Variants in ACOT11 observed in about 807,000 individuals in gnomAD.
ACOT11 encodes acyl-coenzyme A thioesterase 11.
ACOT11 carries 69 observed loss-of-function variants against 77.5 expected under a neutral mutation model. The ratio of observed to expected loss-of-function variants is 0.89; its 90% CI spans 0.73 to 1.09. ACOT11 has a LOEUF of 1.09. Among genes scored for constraint, ACOT11 ranks in the 50% least tolerant of loss-of-function variants. ACOT11 has a pLI of 0.00. For synonymous variants in ACOT11, 279 were observed against 313.0 expected, an observed-to-expected ratio of 0.89 and a Z score of 1.15; for missense variants, 766 against 813.7, an observed-to-expected ratio of 0.94 and a Z score of 0.71.
chr1:54,616,920 G>C (rs925222999), intron 15 of ACOT11, among the ~76,000 whole-genome samples: 4 of 152,074 alleles, frequency 2.6e-5, no homozygotes, highest in African/African-American at 7.2e-5. Context: ...TGCCCTGTCT[G>C]GTCTTGAACT....
rs1243565509 is a variant in ACOT11, at chr1:54,589,359, CACA to C, written c.312-3183_312-3181del. ...TTTTTAGAGAAGGATTCTTTTTAAA[CACA>C]ACATCATTACCACATCTAAAAAATT... On this transcript the variant is annotated intron_variant, in intron 3 of 15. Coordinates refer to ENST00000343744, the MANE Select transcript of ACOT11 (RefSeq NM_147161.4). 1.1e-3 allele frequency among the ~76,000 whole-genome samples: 152 copies of C among 134,848 alleles called. 2 individuals are homozygous for C. Among genetic ancestry groups the C allele is most frequent in the Non-Finnish European group, 6.2e-5 (4 of 64,220 alleles). The allele number at this position is 134,848 out of a possible 152,430, so 88.5% of individuals were successfully genotyped here. A position where few individuals can be genotyped will look rare whatever the true frequency, so the allele number is the denominator to read the frequency against.
intron 4 of ACOT11, among the ~76,000 whole-genome samples, 185 bp from the exon 5 acceptor site, chr1:54,593,756 C>T (rs1654795022): frequency 6.6e-6 from 1 of 152,096 alleles, no homozygotes; most frequent in Non-Finnish European, 1.5e-5. Context: ...CCCAAGGTTT[C>T]CCGGGGACCC....
chr1:54,637,012 T>G (rs1381500189), exon 17 of ACOT11: 2 of 154,672 alleles, frequency 1.3e-5, no homozygotes, highest in East Asian at 3.8e-4. Flanking sequence ...AGAAGAATTT[T>G]TCTTAATACA....
chr1:54,553,363 A>G (rs1173062122), intron 1 of ACOT11, among the ~76,000 whole-genome samples: 1 of 151,782 alleles, frequency 6.6e-6, no homozygotes, highest in African/African-American at 2.4e-5. Context: ...TAAAAATACA[A>G]AAATAAGCTG....
At chr1:54,624,981 G>A (rs1644263023) in intron 15 of ACOT11, among the ~76,000 whole-genome samples, 1 of 151,962 alleles carries the variant, frequency 6.6e-6, no homozygotes, top group African/African-American at 2.4e-5. Context: ...CAATGAGGGA[G>A]AGGTTTGAGG....
At position 54,609,480 on chromosome 1, in the gene ACOT11, G is replaced by A. The variant is rs775911803; in HGVS notation, c.*368G>A. On this transcript the variant is annotated 3_prime_UTR_variant, in exon 16 of 16. Coordinates refer to ENST00000343744, the MANE Select transcript of ACOT11 (RefSeq NM_147161.4). ...GCTCCAGCTGTGCTGTGGCCCAGCA[G>A]CATGGCCTGCATCTGGAAGGACACA... 2 of 1,613,398 alleles carry A rather than the reference G, an allele frequency of 1.2e-6. No individual in the cohort carries two copies. Among genetic ancestry groups the A allele is most frequent in the South Asian group, 1.1e-5 (1 of 91,090 alleles).
In ACOT11 at chr1:54,630,086, A is replaced by G. The variant is rs546674100; in HGVS notation, c.1630-648A>G. ...GGCTATTTTTTTGTATTTTTAGTAG[A>G]GACGAGGTTTCACCATGTTGACCAG... On this transcript the variant is annotated intron_variant, in intron 15 of 16. Coordinates refer to the ACOT11 transcript ENST00000371316. Among the ~76,000 whole-genome samples the G allele has an allele frequency of 1.5e-5, 2 of 133,110 alleles. 1 individual carries two copies. Among genetic ancestry groups the G allele is most frequent in the East Asian group, 4.8e-4 (2 of 4,202 alleles). 87.3% of individuals were successfully genotyped at this position (133,110 alleles called of 152,430 possible).
downstream of ACOT11, chr1:54,610,654 C>G: frequency 4.7e-6 from 7 of 1,503,408 alleles, no homozygotes; most frequent in Admixed American, 2.2e-5. Context: ...CGGGCATCCT[C>G]TCTAAGCCTC....
intron 4 of ACOT11, among the ~76,000 whole-genome samples, chr1:54,592,815 G>C (rs1654759799): frequency 6.6e-6 from 1 of 152,242 alleles, no homozygotes; most frequent in South Asian, 2.1e-4. Flanking sequence ...TCGAGGCCCA[G>C]GAGGGGAAGG....
rs142327826 is a variant in ACOT11, at chr1:54,553,189, T to C, written c.33+4847T>C. ...CTCCAAAATTTTATTTTAATATGCA[T>C]AGCATAAGGGAATGATTACCTCATT... On this transcript the variant is annotated intron_variant, in intron 1 of 15. Coordinates refer to ENST00000343744, the MANE Select transcript of ACOT11 (RefSeq NM_147161.4). 5.0e-3 allele frequency among the ~76,000 whole-genome samples: 754 copies of C among 152,148 alleles called. 13 individuals are homozygous for C. Among genetic ancestry groups the C allele is most frequent in the African/African-American group, 0.017 (713 of 41,520 alleles).
intron 1 of ACOT11, among the ~76,000 whole-genome samples, chr1:54,576,872 G>A (rs1053157160): frequency 6.6e-6 from 1 of 152,136 alleles, no homozygotes; most frequent in Non-Finnish European, 1.5e-5. Flanking sequence ...ACCCTTTCAG[G>A]ATTGGAAAGA....
At position 54,607,474 on chromosome 1, in the gene ACOT11, C is replaced by T. The variant is rs1284165352; in HGVS notation, c.1502+209C>T. 5.3e-5 allele frequency among the ~76,000 whole-genome samples: 8 copies of T among 152,252 alleles called. No homozygotes were observed. The highest frequency in any genetic ancestry group is 2.6e-4 in the Admixed American group (4 of 15,298). On this transcript the variant is annotated intron_variant, in intron 14 of 15. Transcript: ENST00000343744. The surrounding 1 kb of genome is among the most constrained non-coding windows in gnomAD (Gnocchi z 4.5). ...TAGGGGCACACATTTCCCCTCTTGT[C>T]GCATTCCCTAGAGCAGGGCCACCCT...
At chr1:54,572,916 C>T (rs541010928) in intron 1 of ACOT11, 1 of 985,270 alleles carries the variant, frequency 1.0e-6, no homozygotes, top group Non-Finnish European at 1.2e-6. Context: ...TTTCCTCCCA[C>T]TCTGAGAGCT....
intron 13 of ACOT11, among the ~76,000 whole-genome samples, chr1:54,606,755 A>G (rs1644030704): frequency 6.6e-6 from 1 of 152,196 alleles, no homozygotes; most frequent in African/African-American, 2.4e-5. Context: ...AAATCATCAC[A>G]CATCCTTGTG....
chr1:54,590,754 A>G (rs1654682625), intron 3 of ACOT11, among the ~76,000 whole-genome samples: 1 of 152,082 alleles, frequency 6.6e-6, no homozygotes, highest in Non-Finnish European at 1.5e-5. Context: ...ATAAATACAT[A>G]TACTTTTTTT....
At position 54,607,246 on chromosome 1, in the gene ACOT11, C is replaced by A; in HGVS notation, c.1483C>A (p.Arg495=). 1 of 1,614,114 alleles carries A rather than the reference C, an allele frequency of 6.2e-7. No individual in the cohort carries two copies. Among genetic ancestry groups the A allele is most frequent in the Non-Finnish European group, 8.5e-7 (1 of 1,180,004 alleles). ...PQDFVILASR[R]KPCDNGDPYV... is the part of the protein sequence containing the mutation. Reference sequence around the variant, plus strand: ...GGACTTCGTGATCCTGGCCTCGAGGCGGAAGCCTTGTGACAATGGGTGTGT... The same window carrying A: ...GGACTTCGTGATCCTGGCCTCGAGGAGGAAGCCTTGTGACAATGGGTGTGT... Residue 495 remains arginine, a synonymous_variant, in exon 14 of 16, where the codon CGG becomes AGG. Transcript: ENST00000343744. The surrounding 1 kb of genome is among the most constrained non-coding windows in gnomAD (Gnocchi z 4.5).
In ACOT11 at chr1:54,594,019, G is replaced by T; in HGVS notation, c.451G>T (p.Ala151Ser). 3.1e-6 allele frequency: 5 copies of T among 1,614,034 alleles called. No individual in the cohort carries two copies. The highest frequency in any genetic ancestry group is 4.2e-6 in the Non-Finnish European group (5 of 1,179,934). Residue 151 changes from alanine to serine, a missense_variant, in exon 5 of 16, where the codon GCC becomes TCC. Physicochemically the swap from Ala to Ser is moderately conservative, Grantham distance 99 (BLOSUM62 1). Coordinates refer to ENST00000343744, the MANE Select transcript of ACOT11 (RefSeq NM_147161.4). ...NVCKALATFVARREITKVKLK... is the reference protein window; with the variant it reads ...NVCKALATFVSRREITKVKLK... ...GTGCAAGGCCTTGGCCACCTTCGTG[G>T]CCCGCCGAGAGATCACCAAGGTAAC... is the stretch of plus-strand genomic sequence containing the variant.
chr1:54,619,331 G>C (rs1347557368), intron 15 of ACOT11, among the ~76,000 whole-genome samples: 1 of 152,142 alleles, frequency 6.6e-6, no homozygotes, highest in Non-Finnish European at 1.5e-5. Context: ...GTGCACTCTG[G>C]GACTGACCAC....
intron 1 of ACOT11, among the ~76,000 whole-genome samples, chr1:54,552,795 G>GTGT (rs370522224): frequency 0.013 from 1,712 of 136,750 alleles, 25 homozygotes; most frequent in African/African-American, 0.044. Flanking sequence ...CCCACTCTTA[G>GTGT]TGTTGTTGTT....
Sources: gnomAD v4.1 joint callset for allele counts (sites outside exome capture counted in the v4.1 genomes callset) on GRCh38, gnomAD v4.1.1 for gene constraint, Gnocchi (gnomAD v3.1) non-coding constraint, MANE v1.5 for transcripts, NCBI Gene and HGNC (gene_info 2026-07-23, HGNC 2026-07-21) for gene names.